PAMR1: variants seen among roughly 807,000 people sequenced by gnomAD.
PAMR1 encodes peptidase domain containing associated with muscle regeneration 1.
In PAMR1, 88 loss-of-function variants were observed where a neutral mutation model predicts 81.8. The observed-to-expected ratio is 1.08, with a 90% confidence interval of 0.91 to 1.28. The LOEUF (loss-of-function observed/expected upper bound fraction) is 1.28. Ranked by LOEUF, PAMR1 falls within the 50% of genes most tolerant of loss-of-function variation. PAMR1 has a pLI of 0.00. For missense variants in PAMR1, 935 were observed against 919.7 expected (o/e 1.02, Z -0.21); for synonymous variants, 336 against 345.3 (o/e 0.97, Z 0.30).
In PAMR1 at chr11:35,434,821, A is replaced by G. The variant is rs765569442; in HGVS notation, c.1334-17T>C. On this transcript the variant is annotated splice_polypyrimidine_tract_variant and intron_variant, in intron 9 of 10. Coordinates refer to ENST00000619888, the MANE Select transcript of PAMR1 (RefSeq NM_001001991.3). The stretch of plus-strand genomic sequence containing the variant: ...TCCCGCAGACTATGGAGAAAGTACC[A>G]GCTTAGTAAGATAAACTCAGACTTT... The G allele has an allele frequency of 1.1e-5, 18 of 1,606,078 alleles. No homozygotes were observed. In the Admixed American group the frequency reaches 2.8e-4, roughly 25 times the overall value.
chr11:35,512,308 A>AGCTCAT (rs1180148024), intron 1 of PAMR1, among the ~76,000 whole-genome samples: 1 of 152,126 alleles, frequency 6.6e-6, no homozygotes, highest in Non-Finnish European at 1.5e-5. Flanking sequence ...GACACATACC[A>AGCTCAT]GCTCATTATA....
intron 1 of PAMR1, among the ~76,000 whole-genome samples, chr11:35,521,903 GTTTT>G (rs1229286060): frequency 2.0e-5 from 3 of 151,490 alleles, no homozygotes; most frequent in Non-Finnish European, 4.4e-5. Context: ...CTTTCAAATC[GTTTT>G]TTGTTTGGTT....
intron 1 of PAMR1, among the ~76,000 whole-genome samples, chr11:35,494,581 C>A (rs1850691484): frequency 6.6e-6 from 1 of 152,186 alleles, no homozygotes; most frequent in Non-Finnish European, 1.5e-5. Flanking sequence ...GATCCACCCG[C>A]CTCCGCCTCC....
chr11:35,452,827 T>C lies in PAMR1; in HGVS notation c.821-11134A>G, dbSNP rs554801092. Among the ~76,000 whole-genome samples, 10 of 152,348 alleles carry C rather than the reference T, an allele frequency of 6.6e-5. No homozygotes were observed. The South Asian group carries it at 2.1e-3, about 32-fold the overall frequency. ...TCTCACCACCCCATAAAAATCTCTT[T>C]AATATCTTGTCTAATCATAGAGTAA... On this transcript the variant is annotated intron_variant, in intron 6 of 10. Coordinates refer to ENST00000619888, the MANE Select transcript of PAMR1 (RefSeq NM_001001991.3).
At chr11:35,481,508 T>TTTTGTTTGTTTGTTTG (rs58551047) in intron 3 of PAMR1, among the ~76,000 whole-genome samples, 19 of 150,932 alleles carry the variant, frequency 1.3e-4, no homozygotes, top group African/African-American at 4.4e-4. Context: ...TGTCTTCTTG[T>TTTTGTTTGTTTGTTTG]TTTGTTTGTT....
intron 5 of PAMR1, among the ~76,000 whole-genome samples, chr11:35,469,277 C>T (rs1475268452): frequency 6.6e-6 from 1 of 152,156 alleles, no homozygotes; most frequent in Non-Finnish European, 1.5e-5. Context: ...TATTTGACGG[C>T]ATTGATAAAA....
At chr11:35,525,812 G>T, upstream of PAMR1, 1 of 575,738 alleles carries the variant, frequency 1.7e-6, no homozygotes, top group East Asian at 2.9e-5. Flanking sequence ...GCGGGGCCCC[G>T]GGAGGTGTGG....
In PAMR1 at chr11:35,434,742, C is replaced by T. The variant is rs766883087; in HGVS notation, c.1396G>A (p.Ala466Thr). ...KTQGLRWPWQ[A>T]AIYRRTSGVH... ...CCGCTGGTCCTCCTGTAGATGGCTGCCTGCCACGGCCAGCGCAACCCTTGG... is the reference window on the plus strand; with the variant it reads ...CCGCTGGTCCTCCTGTAGATGGCTGTCTGCCACGGCCAGCGCAACCCTTGG... The change falls in exon 10 of 11, where the codon GCA (alanine) becomes ACA (threonine). Residue 466 changes from alanine to threonine, a missense_variant. By Grantham distance (58) the Ala-to-Thr change is moderately conservative. Transcript: ENST00000619888. The T allele has an allele frequency of 5.0e-6, 8 of 1,614,020 alleles. No individual in the cohort carries two copies. The South Asian group carries it at 7.7e-5, about 16-fold the overall frequency.
chr11:35,509,428 G>C (rs1405075990), intron 1 of PAMR1, among the ~76,000 whole-genome samples: 2 of 152,220 alleles, frequency 1.3e-5, no homozygotes, highest in Admixed American at 6.5e-5. Flanking sequence ...GAATTTCAAT[G>C]TGGTGCTAAG....
chr11:35,467,921 A>G (rs1856784115), intron 6 of PAMR1, 80 bp downstream of exon 6: 1 of 784,142 alleles, frequency 1.3e-6, no homozygotes, highest in African/African-American at 1.7e-5. Flanking sequence ...ATGAAGAAAG[A>G]GTTGGCCCTG....
intron 6 of PAMR1, among the ~76,000 whole-genome samples, chr11:35,456,651 C>A (rs1856538748): frequency 6.6e-6 from 1 of 152,174 alleles, no homozygotes; most frequent in South Asian, 2.1e-4. Flanking sequence ...AGAGATGAGA[C>A]AATTAGAAGA....
chr11:35,502,040 C>T (rs1245495344), intron 1 of PAMR1, among the ~76,000 whole-genome samples: 1 of 152,140 alleles, frequency 6.6e-6, no homozygotes, highest in Non-Finnish European at 1.5e-5. Flanking sequence ...TACATTCCCA[C>T]CAACACTGTA....
At position 35,509,375 on chromosome 11, in the gene PAMR1, A is replaced by G. The variant is rs551920059; in HGVS notation, c.74-15103T>C. On this transcript the variant is annotated intron_variant, in intron 1 of 10. Transcript: ENST00000619888. ...CCTTGATCATAATTACATTTGTGGA[A>G]GGGCCACATTGGCCATTTGGCTTCA... Among the ~76,000 whole-genome samples the G allele has an allele frequency of 1.5e-3, 228 of 152,334 alleles. 1 individual carries two copies. Among genetic ancestry groups the G allele is most frequent in the African/African-American group, 5.4e-3 (226 of 41,574 alleles).
At chr11:35,463,527 C>T (rs952678343) in intron 6 of PAMR1, among the ~76,000 whole-genome samples, 1 of 152,308 alleles carries the variant, frequency 6.6e-6, no homozygotes, top group Non-Finnish European at 1.5e-5. Flanking sequence ...ACCATTTACT[C>T]GAGGACCCAT....
At position 35,470,716 on chromosome 11, in the gene PAMR1, A is replaced by G. The variant is rs1469241591; in HGVS notation, c.597T>C (p.Cys199=). 6.2e-7 allele frequency: 1 copy of G among 1,614,176 alleles called. No homozygotes were observed. The highest frequency in any genetic ancestry group is 8.5e-7 in the Non-Finnish European group (1 of 1,180,002). The part of the protein sequence containing the change: ...NRDGQIIKRV[C]GNERPAPIQS... The stretch of plus-strand genomic sequence containing the variant: ...GGATAGGAGCTGGCCGCTCGTTGCC[A>G]CAGACACGCTTGATGATCTGGCCAT... Residue 199 remains cysteine (C), a synonymous_variant, in exon 5 of 11, where the codon TGT becomes TGC. Coordinates refer to ENST00000619888, the MANE Select transcript of PAMR1 (RefSeq NM_001001991.3).
At chr11:35,498,405 C>T (rs1850767504) in intron 1 of PAMR1, among the ~76,000 whole-genome samples, 1 of 152,120 alleles carries the variant, frequency 6.6e-6, no homozygotes, top group South Asian at 2.1e-4. Flanking sequence ...AATGAGTGTA[C>T]ATTTTCTCCA....
At position 35,436,108 on chromosome 11, in the gene PAMR1, T is replaced by C; in HGVS notation, c.1128A>G (p.Ser376=). The change falls in exon 9 of 11, where the codon TCA becomes TCG. Residue 376 remains serine (S), a synonymous_variant. Coordinates refer to ENST00000619888, the MANE Select transcript of PAMR1 (RefSeq NM_001001991.3). ...SRETPLHQLY[S]AAFSKQKLQS... ...GCAGTTTCTGCTTGCTGAAGGCCGCTGAGTATAGCTGGTGTAATGGTGTCT... is the reference window on the plus strand; with the variant it reads ...GCAGTTTCTGCTTGCTGAAGGCCGCCGAGTATAGCTGGTGTAATGGTGTCT... 6.2e-7 allele frequency: 1 copy of C among 1,613,834 alleles called. No individual in the cohort carries two copies. The highest frequency in any genetic ancestry group is 8.5e-7 in the Non-Finnish European group (1 of 1,179,786).
At chr11:35,480,692 T>G (rs1300377859) in intron 3 of PAMR1, among the ~76,000 whole-genome samples, 3 of 152,220 alleles carry the variant, frequency 2.0e-5, no homozygotes, top group Admixed American at 2.0e-4. Flanking sequence ...TCTTTTTCTT[T>G]TTTTATTATT....
At position 35,470,694 on chromosome 11, in the gene PAMR1, T is replaced by C; in HGVS notation, c.619A>G (p.Ile207Val). 1 of 1,614,130 alleles carries C rather than the reference T, an allele frequency of 6.2e-7. No homozygotes were observed. The highest frequency in any genetic ancestry group is 8.5e-7 in the Non-Finnish European group (1 of 1,179,998). Residue 207 changes from isoleucine to valine, a missense_variant, in exon 5 of 11, where the codon ATC becomes GTC. Ile to Val is a conservative substitution (Grantham distance 29). Coordinates refer to ENST00000619888, the MANE Select transcript of PAMR1 (RefSeq NM_001001991.3). ...RVCGNERPAP[I>V]QSIGSSLHVL... is the part of the protein sequence containing the mutation. ...TGGAGTGAGGATCCTATGCTCTGGATAGGAGCTGGCCGCTCGTTGCCACAG... is the reference window on the plus strand; with the variant it reads ...TGGAGTGAGGATCCTATGCTCTGGACAGGAGCTGGCCGCTCGTTGCCACAG...
Sources: gnomAD v4.1 joint callset for allele counts (sites outside exome capture counted in the v4.1 genomes callset) on GRCh38, gnomAD v4.1.1 for gene constraint, MANE v1.5 for transcripts, NCBI Gene and HGNC (gene_info 2026-07-23, HGNC 2026-07-21) for gene names.